KSR1: variants seen among roughly 807,000 people sequenced by gnomAD.
The protein encoded by KSR1 is kinase suppressor of ras 1.
Under a neutral mutation model 92.9 loss-of-function variants are expected in KSR1, and 35 were observed. The observed-to-expected ratio is 0.38, with a 90% CI of 0.29 to 0.50. The LOEUF is 0.50. Ranked by LOEUF, KSR1 falls within the 20% of genes least tolerant of loss-of-function variation. KSR1 has a pLI of 0.94. For synonymous variants in KSR1, 467 were observed against 472.6 expected (o/e 0.99, Z 0.15); for missense variants, 972 against 1,158.5 (o/e 0.84, Z 2.34).
chr17:27,519,515 C>T (rs2069936846), intron 1 of KSR1, among the ~76,000 whole-genome samples: 1 of 152,154 alleles, frequency 6.6e-6, no homozygotes, highest in African/African-American at 2.4e-5. Context: ...CTGACCTGGC[C>T]ATGGTGCGTT....
intron 19 of KSR1, among the ~76,000 whole-genome samples, chr17:27,618,320 C>G (rs2074120221): frequency 6.6e-6 from 1 of 152,172 alleles, no homozygotes; most frequent in Admixed American, 6.5e-5. Context: ...TTCCCTTTTT[C>G]CTTTGTCTTC....
Position 27,555,974 on chromosome 17 carries a change from G to A in KSR1, c.372+5266G>A, listed in dbSNP as rs75942665. The stretch of plus-strand genomic sequence containing the variant: ...TTTTCTGGCCCTCACATTCCTCTGC[G>A]TGTTGTCTCTTTTGTACACATGAGA... On this transcript the variant is annotated intron_variant, in intron 2 of 20. Coordinates refer to ENST00000644974, the MANE Select transcript of KSR1 (RefSeq NM_001394583.1). Among the ~76,000 whole-genome samples, 192 of 152,252 alleles carry A rather than the reference G, an allele frequency of 1.3e-3. 3 individuals carry two copies. The East Asian group carries it at 0.026, about 21-fold the overall frequency.
chr17:27,556,129 T>G (rs1416021033), intron 2 of KSR1, among the ~76,000 whole-genome samples: 1 of 152,234 alleles, frequency 6.6e-6, no homozygotes, highest in African/African-American at 2.4e-5. Flanking sequence ...AACCTAGAAG[T>G]GAACTTGCTA....
At chr17:27,507,161 A>G (rs1196909887) in intron 1 of KSR1, among the ~76,000 whole-genome samples, 1 of 152,218 alleles carries the variant, frequency 6.6e-6, no homozygotes, top group Non-Finnish European at 1.5e-5. Context: ...TAGGCTGGGC[A>G]AGGTGGCTCA....
chr17:27,577,207 G>T lies in KSR1; in HGVS notation c.373-285G>T, dbSNP rs1431331130. 6.6e-6 allele frequency among the ~76,000 whole-genome samples: 1 copy of T among 152,190 alleles called. No individual in the cohort carries two copies. Among genetic ancestry groups the T allele is most frequent in the Non-Finnish European group, 1.5e-5 (1 of 68,034 alleles). On this transcript the variant is annotated intron_variant, in intron 2 of 20. Coordinates refer to ENST00000644974, the MANE Select transcript of KSR1 (RefSeq NM_001394583.1). The surrounding 1 kb of genome is among the most constrained non-coding windows in gnomAD (Gnocchi z 4.5). The stretch of plus-strand genomic sequence containing the variant: ...CGCTGTTTTTTTTCTGTGCAGAGGA[G>T]TAAGAAGAAACAAGCTGGGCAACAT...
At chr17:27,458,557 T>G (rs896436862) in intron 1 of KSR1, among the ~76,000 whole-genome samples, 11 of 152,304 alleles carry the variant, frequency 7.2e-5, no homozygotes, top group Admixed American at 2.6e-4. Context: ...TTGATGGCAG[T>G]GTGGCGTTCA....
At chr17:27,465,471 A>G (rs1224329114) in intron 1 of KSR1, 1 of 152,130 alleles carries the variant, frequency 6.6e-6, no homozygotes, top group Non-Finnish European at 1.5e-5. Flanking sequence ...GCTTGAGCTC[A>G]GGAGTTCCAG....
intron 6 of KSR1, among the ~76,000 whole-genome samples, chr17:27,589,998 G>GT (rs1373196608): frequency 6.6e-6 from 1 of 152,056 alleles, no homozygotes; most frequent in Non-Finnish European, 1.5e-5. Context: ...CCTATACTCT[G>GT]TTTTTTCAAA....
rs560577956 is a variant in KSR1 at position 27,513,279 on chromosome 17, A to G, written c.232-37289A>G. ...CCTGTTGAACATTTTGTTTGTTTAC[A>G]TTTTGAGGATATTCCTAAAAAATGC... On this transcript the variant is annotated intron_variant, in intron 1 of 20. Transcript: ENST00000644974. Among the ~76,000 whole-genome samples, 15 of 152,300 alleles carry G rather than the reference A, an allele frequency of 9.8e-5. 1 individual carries two copies. The highest frequency in any genetic ancestry group is 3.4e-3 in the Middle Eastern group (1 of 294).
At chr17:27,612,244 G>A (rs890538297) in intron 18 of KSR1, among the ~76,000 whole-genome samples, 5 of 152,232 alleles carry the variant, frequency 3.3e-5, no homozygotes, top group African/African-American at 1.2e-4. Flanking sequence ...GAATATGCAT[G>A]CCATGGTGAA....
intron 1 of KSR1, among the ~76,000 whole-genome samples, chr17:27,509,142 T>TC: frequency 6.6e-6 from 1 of 152,278 alleles, no homozygotes; most frequent in African/African-American, 2.4e-5. Flanking sequence ...AAGAACAGTT[T>TC]CCTACATTCC....
At chr17:27,606,517 G>A (rs1207642654) in intron 14 of KSR1, among the ~76,000 whole-genome samples, 2 of 152,206 alleles carry the variant, frequency 1.3e-5, no homozygotes, top group South Asian at 4.1e-4. Flanking sequence ...TGGGTCTGAG[G>A]TCTACTCTCT....
chr17:27,516,649 A>T (rs1035152218), intron 1 of KSR1, among the ~76,000 whole-genome samples: 1 of 152,212 alleles, frequency 6.6e-6, no homozygotes, highest in African/African-American at 2.4e-5. Flanking sequence ...AAAAATGTAT[A>T]TATAGAGAGA....
At chr17:27,565,163 G>C (rs192671304) in intron 2 of KSR1, among the ~76,000 whole-genome samples, 1 of 152,316 alleles carries the variant, frequency 6.6e-6, no homozygotes, top group East Asian at 1.9e-4. Flanking sequence ...GGTTTGCACT[G>C]TAATCTTACT....
chr17:27,528,869 C>T (rs1166601694), intron 1 of KSR1, among the ~76,000 whole-genome samples: 1 of 152,100 alleles, frequency 6.6e-6, no homozygotes, highest in Non-Finnish European at 1.5e-5. Context: ...CATGCCACTG[C>T]ACTTCACCCT....
chr17:27,583,585 C>T (rs1337410575), intron 4 of KSR1, among the ~76,000 whole-genome samples: 1 of 152,190 alleles, frequency 6.6e-6, no homozygotes, highest in Non-Finnish European at 1.5e-5. Flanking sequence ...CCTGGCCCAA[C>T]CTGAACAGGA....
intron 11 of KSR1, chr17:27,601,951 C>T (rs376872717): frequency 4.0e-5 from 64 of 1,603,136 alleles, no homozygotes; most frequent in African/African-American, 3.5e-4. Flanking sequence ...TAAAGGAAAA[C>T]GCTTTCAGTA....
intron 14 of KSR1, among the ~76,000 whole-genome samples, chr17:27,606,988 C>G (rs1318142169): frequency 6.6e-6 from 1 of 151,952 alleles, no homozygotes; most frequent in Non-Finnish European, 1.5e-5. Context: ...TGTGCCACCA[C>G]GCCTCGCTAA....
intron 1 of KSR1, among the ~76,000 whole-genome samples, chr17:27,499,985 A>G (rs2069119616): frequency 6.6e-6 from 1 of 152,236 alleles, no homozygotes; most frequent in Non-Finnish European, 1.5e-5. Context: ...GTCACCTGCC[A>G]CATCTGCACC....
Sources: gnomAD v4.1 joint callset for allele counts (sites outside exome capture counted in the v4.1 genomes callset) on GRCh38, gnomAD v4.1.1 for gene constraint, Gnocchi (gnomAD v3.1) non-coding constraint, MANE v1.5 for transcripts, NCBI Gene and HGNC (gene_info 2026-07-23, HGNC 2026-07-21) for gene names.